FCHSD2: variants seen among roughly 807,000 people sequenced by gnomAD.
The protein encoded by FCHSD2 is FCH and double SH3 domains 2, also known as F-BAR and double SH3 domains protein 2.
FCHSD2 carries 38 observed loss-of-function variants against 108.1 expected under a neutral mutation model. That is an observed-to-expected ratio of 0.35 (90% confidence interval 0.27 to 0.46). The LOEUF is 0.46. FCHSD2 is among the 20% of genes least tolerant of loss of function. FCHSD2 has a pLI of 1.00. For synonymous variants in FCHSD2, 279 were observed against 314.7 expected (o/e 0.89, Z 1.20); for missense variants, 751 against 897.8 (o/e 0.84, Z 2.09).
intron 2 of FCHSD2, among the ~76,000 whole-genome samples, chr11:73,107,434 C>G (rs1264707713): frequency 6.6e-6 from 1 of 152,148 alleles, no homozygotes; most frequent in Non-Finnish European, 1.5e-5. Flanking sequence ...GCATGCAATG[C>G]GTAATAATCA....
intron 3 of FCHSD2, among the ~76,000 whole-genome samples, chr11:73,026,690 T>C (rs1858236990): frequency 6.6e-6 from 1 of 152,094 alleles, no homozygotes. Context: ...TGGCTCTGTA[T>C]CCCCACCCAA....
chr11:72,873,706 C>T (rs1371314253), intron 12 of FCHSD2, among the ~76,000 whole-genome samples: 1 of 152,070 alleles, frequency 6.6e-6, no homozygotes, highest in African/African-American at 2.4e-5. Context: ...TTAGCTTTCG[C>T]TGTTACATTT....
chr11:73,015,687 C>A, intron 4 of FCHSD2, 122 bp downstream of exon 4: 1 of 524,200 alleles, frequency 1.9e-6, no homozygotes, highest in Non-Finnish European at 3.4e-6. Context: ...GAAATTATAT[C>A]CGAAAACACA....
chr11:72,943,747 T>C (rs902623091), intron 8 of FCHSD2, among the ~76,000 whole-genome samples: 2 of 152,246 alleles, frequency 1.3e-5, no homozygotes, highest in African/African-American at 2.4e-5. Context: ...CAAGAAATAC[T>C]TGCTGAATAA....
intron 6 of FCHSD2, among the ~76,000 whole-genome samples, chr11:72,987,641 T>C (rs1052510514): frequency 1.3e-5 from 2 of 152,232 alleles, no homozygotes; most frequent in African/African-American, 4.8e-5. Context: ...CAATTCCTTG[T>C]GATCAGCTCT....
At chr11:73,091,382 T>C (rs1284515374) in intron 2 of FCHSD2, among the ~76,000 whole-genome samples, 1 of 151,570 alleles carries the variant, frequency 6.6e-6, no homozygotes, top group Non-Finnish European at 1.5e-5. Flanking sequence ...CTACTAAAAA[T>C]ACAAACAACA....
At chr11:73,010,626 G>T (rs556598276) in intron 4 of FCHSD2, among the ~76,000 whole-genome samples, 1 of 152,338 alleles carries the variant, frequency 6.6e-6, no homozygotes, top group African/African-American at 2.4e-5. Context: ...CAGTGGTACG[G>T]TATCTGTACG....
intron 10 of FCHSD2, among the ~76,000 whole-genome samples, chr11:72,890,464 T>C (rs1014984963): frequency 1.3e-5 from 2 of 152,134 alleles, no homozygotes; most frequent in African/African-American, 2.4e-5. Flanking sequence ...CACCATCAAC[T>C]TGCCACCAAA....
intron 2 of FCHSD2, among the ~76,000 whole-genome samples, chr11:73,099,712 G>A (rs758324650): frequency 2.0e-5 from 3 of 152,328 alleles, no homozygotes; most frequent in African/African-American, 7.2e-5. Flanking sequence ...CTGCACCCTC[G>A]GTCTGGTTGG....
In FCHSD2 at chr11:73,082,335, CAAAAAAAAAA is replaced by C. The variant is rs750423401; in HGVS notation, c.165+1350_165+1359del. 4.0e-3 allele frequency among the ~76,000 whole-genome samples: 139 copies of C among 34,464 alleles called. 3 individuals carry two copies. In the South Asian group the frequency reaches 0.071, roughly 18 times the overall value. 22.6% of individuals were successfully genotyped at this position (34,464 alleles called of 152,430 possible). ...CTGGATCACAGAGTGAGACTTGTCC[CAAAAAAAAAA>C]AAAAAAAAAAAAAAAAAGAAAAGAA... On this transcript the variant is annotated intron_variant, in intron 3 of 19. Transcript: ENST00000409418.
chr11:73,021,228 T>C (rs1379186977), intron 3 of FCHSD2, among the ~76,000 whole-genome samples: 1 of 139,750 alleles, frequency 7.2e-6, no homozygotes, highest in Non-Finnish European at 1.5e-5. Context: ...AGATCAAACA[T>C]AGAATAAAAA....
chr11:73,011,901 C>T (rs1228241242), intron 4 of FCHSD2, among the ~76,000 whole-genome samples: 1 of 152,086 alleles, frequency 6.6e-6, no homozygotes, highest in African/African-American at 2.4e-5. Flanking sequence ...ATTATTCACT[C>T]ACTAGTTTGG....
At chr11:73,042,282 C>A (rs1858659388) in intron 3 of FCHSD2, among the ~76,000 whole-genome samples, 1 of 152,172 alleles carries the variant, frequency 6.6e-6, no homozygotes, top group Admixed American at 6.5e-5. Flanking sequence ...TATGGATATT[C>A]AGCTTTCCCA....
intron 14 of FCHSD2, among the ~76,000 whole-genome samples, chr11:72,846,204 G>A (rs894844075): frequency 3.4e-4 from 50 of 145,702 alleles, no homozygotes; most frequent in African/African-American, 1.3e-3. Context: ...TTTTTGAGAC[G>A]GAGTCTCACA....
At chr11:73,140,189 C>T in intron 1 of FCHSD2, 61 bp from the exon 2 acceptor site, 1 of 844,300 alleles carries the variant, frequency 1.2e-6, no homozygotes. Context: ...AAAATTGCTT[C>T]AGGAAAATAC....
chr11:73,028,738 G>A (rs1858288585), intron 3 of FCHSD2, among the ~76,000 whole-genome samples: 1 of 152,154 alleles, frequency 6.6e-6, no homozygotes, highest in South Asian at 2.1e-4. Context: ...AAAACCTGGT[G>A]GGAGGAGATT....
chr11:72,975,276 T>A (rs1199754302), intron 8 of FCHSD2, among the ~76,000 whole-genome samples: 1 of 152,174 alleles, frequency 6.6e-6, no homozygotes, highest in Non-Finnish European at 1.5e-5. Context: ...CTATAAGACA[T>A]CTCTTCAACA....
intron 8 of FCHSD2, among the ~76,000 whole-genome samples, chr11:72,950,083 A>C: frequency 6.6e-6 from 1 of 152,188 alleles, no homozygotes; most frequent in East Asian, 1.9e-4. Context: ...GCGGATGTGA[A>C]GTGGTATTTC....
At chr11:72,913,952 T>C (rs1855819564) in intron 9 of FCHSD2, among the ~76,000 whole-genome samples, 1 of 151,432 alleles carries the variant, frequency 6.6e-6, no homozygotes. Flanking sequence ...TGAAAAAACA[T>C]ACTATGCTCA....
Sources: allele counts gnomAD v4.1 joint callset (sites outside exome capture counted in the v4.1 genomes callset), GRCh38; gene constraint gnomAD v4.1.1; transcripts MANE v1.5; gene names NCBI Gene and HGNC (gene_info 2026-07-23, HGNC 2026-07-21).